Variants in XKR9 observed in about 807,000 individuals in gnomAD.
XKR9 encodes the protein XK related 9.
A neutral mutation model predicts 32.0 loss-of-function variants in XKR9; 32 were observed. The observed-to-expected ratio is 1.00, with a 90% confidence interval of 0.76 to 1.34. XKR9 has a LOEUF of 1.34. Among genes scored for constraint, XKR9 ranks in the 40% most tolerant of loss-of-function variants. The pLI is 0.00. For synonymous variants in XKR9, 168 were observed against 143.4 expected (o/e 1.17, Z -1.22); for missense variants, 546 against 429.7 (o/e 1.27, Z -2.39).
chr8:70,780,564 T>G (rs1015082528), intron 2 of XKR9, among the ~76,000 whole-genome samples: 1 of 152,146 alleles, frequency 6.6e-6, no homozygotes, highest in Non-Finnish European at 1.5e-5. Context: ...GCGAAGGATT[T>G]CCAAAAACCC....
the XKR9 span, among the ~76,000 whole-genome samples, chr8:71,053,798 A>T: frequency 6.6e-6 from 1 of 152,234 alleles, no homozygotes; most frequent in African/African-American, 2.4e-5. Flanking sequence ...AGTGGAACAC[A>T]GGGAAGTGAT....
At chr8:70,768,183 G>C (rs544745961) in intron 2 of XKR9, among the ~76,000 whole-genome samples, 1 of 152,138 alleles carries the variant, frequency 6.6e-6, no homozygotes, top group Non-Finnish European at 1.5e-5. Flanking sequence ...TATTTACCTA[G>C]TAGTGATTCG....
At chr8:70,752,484 C>A (rs1586883370) in intron 2 of XKR9, among the ~76,000 whole-genome samples, 1 of 152,010 alleles carries the variant, frequency 6.6e-6, no homozygotes, top group Admixed American at 6.6e-5. Context: ...CGAGAGGCAG[C>A]CTCACTTTAC....
the XKR9 span, among the ~76,000 whole-genome samples, chr8:71,064,534 T>A: frequency 6.6e-6 from 1 of 152,228 alleles, no homozygotes; most frequent in African/African-American, 2.4e-5. Context: ...TTTAGAGGTT[T>A]CAATGAAAAG....
chr8:70,866,438 C>T, the XKR9 span, among the ~76,000 whole-genome samples: 48,522 of 151,952 alleles, frequency 0.32, 9,106 homozygotes, highest in Non-Finnish European at 0.43. Flanking sequence ...CATTCAATTA[C>T]ATATTTGGAT....
the XKR9 span, among the ~76,000 whole-genome samples, chr8:70,893,365 TAC>T: frequency 6.4e-3 from 975 of 152,344 alleles, 11 homozygotes; most frequent in African/African-American, 0.022. Flanking sequence ...GTTCTCTTAC[TAC>T]ACAGTTACGA....
At chr8:70,691,589 A>T (rs891982019) in intron 3 of XKR9, among the ~76,000 whole-genome samples, 3 of 152,152 alleles carry the variant, frequency 2.0e-5, no homozygotes, top group African/African-American at 7.2e-5. Context: ...TGATTTTTGT[A>T]TATGGTGTAA....
intron 3 of XKR9, among the ~76,000 whole-genome samples, chr8:70,692,848 C>T (rs1360472320): frequency 4.6e-5 from 7 of 152,036 alleles, no homozygotes; most frequent in South Asian, 2.1e-4. Flanking sequence ...CCAAAGTGCT[C>T]GGATTACAAG....
the XKR9 span, among the ~76,000 whole-genome samples, chr8:70,992,686 C>A: frequency 5.6e-4 from 86 of 152,332 alleles, no homozygotes; most frequent in Middle Eastern, 3.4e-3. Context: ...TTCCTGTTTA[C>A]TAGTAACAAG....
chr8:70,757,735 T>C (rs1412335546), intron 2 of XKR9, among the ~76,000 whole-genome samples: 1 of 152,108 alleles, frequency 6.6e-6, no homozygotes, highest in African/African-American at 2.4e-5. Flanking sequence ...TATAGGCACA[T>C]GCCACCATGC....
intron 2 of XKR9, among the ~76,000 whole-genome samples, chr8:70,746,527 G>A (rs1807061876): frequency 6.6e-6 from 1 of 150,422 alleles, no homozygotes; most frequent in Admixed American, 6.6e-5. Flanking sequence ...GGAATTTGCA[G>A]TTTCTTTCTT....
the XKR9 span, among the ~76,000 whole-genome samples, chr8:70,986,553 A>G: frequency 6.6e-6 from 1 of 152,204 alleles, no homozygotes; most frequent in African/African-American, 2.4e-5. Flanking sequence ...ACTTCAAAAT[A>G]GGAGACATAG....
chr8:70,951,871 G>GT, the XKR9 span, among the ~76,000 whole-genome samples: 1 of 91,538 alleles, frequency 1.1e-5, no homozygotes, highest in African/African-American at 4.2e-5. Context: ...CATCATTGGG[G>GT]GGGGGGTGGT....
At chr8:70,758,299 A>C (rs1360138568) in intron 2 of XKR9, among the ~76,000 whole-genome samples, 1 of 152,052 alleles carries the variant, frequency 6.6e-6, no homozygotes, top group Non-Finnish European at 1.5e-5. Context: ...TCTTACCCTG[A>C]CCACACTTAG....
At chr8:70,846,304 G>A in the XKR9 span, among the ~76,000 whole-genome samples, 2 of 151,896 alleles carry the variant, frequency 1.3e-5, no homozygotes, top group Non-Finnish European at 2.9e-5. Context: ...AATGCTTAAG[G>A]GAGTCTTACA....
chr8:70,856,628 A>G, the XKR9 span, among the ~76,000 whole-genome samples: 1 of 152,218 alleles, frequency 6.6e-6, no homozygotes, highest in South Asian at 2.1e-4. Context: ...CGGACCTAAT[A>G]GACATCTGCA....
the XKR9 span, among the ~76,000 whole-genome samples, chr8:70,889,015 C>T: frequency 6.6e-6 from 1 of 151,862 alleles, no homozygotes; most frequent in African/African-American, 2.4e-5. Flanking sequence ...ATAGGTATTG[C>T]ATTGAAGCCG....
the XKR9 span, among the ~76,000 whole-genome samples, chr8:71,062,616 C>A: frequency 6.6e-6 from 1 of 152,220 alleles, no homozygotes; most frequent in African/African-American, 2.4e-5. Flanking sequence ...CCTGCTTAAG[C>A]CAGTTGGGTT....
chr8:70,683,124 T>C (rs1271205594), intron 3 of XKR9, among the ~76,000 whole-genome samples: 1 of 152,186 alleles, frequency 6.6e-6, no homozygotes, highest in East Asian at 1.9e-4. Flanking sequence ...GCCCAGTTTG[T>C]AGTTTCTCTT....
Sources: gnomAD v4.1 joint callset for allele counts (sites outside exome capture counted in the v4.1 genomes callset) on GRCh38, gnomAD v4.1.1 for gene constraint, MANE v1.5 for transcripts, NCBI Gene and HGNC (gene_info 2026-07-23, HGNC 2026-07-21) for gene names.